CCDC171: variants seen among roughly 807,000 people sequenced by gnomAD.
CCDC171 encodes the protein coiled-coil domain containing 171.
CCDC171 carries 177 observed loss-of-function variants against 168.2 expected under a neutral mutation model. The ratio of observed to expected loss-of-function variants is 1.05; its 90% confidence interval spans 0.93 to 1.19. The LOEUF is 1.19. Among genes scored for constraint, CCDC171 ranks in the 50% most tolerant of loss-of-function variants. CCDC171 has a pLI of 0.00. For missense variants in CCDC171, 1,991 were observed against 1,539.0 expected, an observed-to-expected ratio of 1.29 and a Z score of -4.91; for synonymous variants, 687 against 540.8, an observed-to-expected ratio of 1.27 and a Z score of -3.75.
chr9:15,689,511 G>A (rs2050637581), intron 10 of CCDC171, among the ~76,000 whole-genome samples: 3 of 152,146 alleles, frequency 2.0e-5, no homozygotes, highest in Admixed American at 2.0e-4. Context: ...TGGAGTTCGA[G>A]ACCAGCCTGG....
chr9:16,026,503 C>T (rs865933422), intron 6 of CCDC171, among the ~76,000 whole-genome samples: 1 of 152,052 alleles, frequency 6.6e-6, no homozygotes, highest in Admixed American at 6.6e-5. Context: ...ACCCCTTTGA[C>T]CCCTTTATCC....
intron 6 of CCDC171, among the ~76,000 whole-genome samples, chr9:15,601,026 C>T (rs2042806683): frequency 1.3e-5 from 2 of 152,146 alleles, no homozygotes; most frequent in Admixed American, 6.5e-5. Context: ...TTACAGGTGC[C>T]ATCTGTCACC....
intron 21 of CCDC171, among the ~76,000 whole-genome samples, chr9:15,803,878 T>A (rs2058947811): frequency 6.6e-6 from 1 of 152,214 alleles, no homozygotes; most frequent in Admixed American, 6.5e-5. Context: ...TACACAATAT[T>A]GATTTTTCCT....
intron 6 of CCDC171, among the ~76,000 whole-genome samples, chr9:16,029,581 T>C (rs947271973): frequency 3.9e-5 from 6 of 152,210 alleles, no homozygotes; most frequent in African/African-American, 1.4e-4. Flanking sequence ...CCTATGTTGG[T>C]AGACTCTTAA....
intron 11 of CCDC171, among the ~76,000 whole-genome samples, chr9:15,708,674 C>CA (rs371224916): frequency 0.029 from 4,141 of 144,344 alleles, 206 homozygotes; most frequent in African/African-American, 0.098. Context: ...GGAATCAAGA[C>CA]AAAAAAAAAA....
chr9:15,956,094 G>A (rs1439042824), intron 25 of CCDC171, among the ~76,000 whole-genome samples: 1 of 152,158 alleles, frequency 6.6e-6, no homozygotes, highest in Non-Finnish European at 1.5e-5. Flanking sequence ...CTGGTAAGAA[G>A]TGAGCAGTGT....
At chr9:15,684,896 T>C (rs529237667) in intron 10 of CCDC171, among the ~76,000 whole-genome samples, 4 of 152,184 alleles carry the variant, frequency 2.6e-5, no homozygotes, top group Non-Finnish European at 5.9e-5. Flanking sequence ...TTTACACTGG[T>C]TGTAGATTCA....
intron 25 of CCDC171, among the ~76,000 whole-genome samples, chr9:15,956,734 A>T (rs926446953): frequency 6.6e-6 from 1 of 152,172 alleles, no homozygotes; most frequent in African/African-American, 2.4e-5. Flanking sequence ...AGCCTCAGTA[A>T]CATGACAAAA....
chr9:15,979,958 T>C (rs1306044508), intron 3 of CCDC171, among the ~76,000 whole-genome samples: 1 of 152,068 alleles, frequency 6.6e-6, no homozygotes, highest in African/African-American at 2.4e-5. Flanking sequence ...ATCTTTTTAA[T>C]TGTGGTAAAA....
In CCDC171 at chr9:15,679,967, G is replaced by T. The variant is rs921650951; in HGVS notation, c.1215+1071G>T. Among the ~76,000 whole-genome samples, 10 of 152,138 alleles carry T rather than the reference G, an allele frequency of 6.6e-5. 1 individual carries two copies. The highest frequency in any genetic ancestry group is 6.8e-3 in the Middle Eastern group (2 of 294). On this transcript the variant is annotated intron_variant, in intron 10 of 25. Transcript: ENST00000380701. Reference sequence around the variant, plus strand: ...ATTTCTTTACATCCTGTGATGCCCAGCTCTGATATCTTGCAATCTGTGAAG... The same window carrying T: ...ATTTCTTTACATCCTGTGATGCCCATCTCTGATATCTTGCAATCTGTGAAG...
At chr9:16,077,303 G>A in the CCDC171 span, among the ~76,000 whole-genome samples, 1 of 152,172 alleles carries the variant, frequency 6.6e-6, no homozygotes, top group Non-Finnish European at 1.5e-5. Flanking sequence ...TGAGTAACTT[G>A]AAGAATGGGG....
intron 25 of CCDC171, among the ~76,000 whole-genome samples, chr9:15,970,072 C>T (rs376333454): frequency 2.6e-5 from 4 of 152,120 alleles, no homozygotes; most frequent in African/African-American, 9.7e-5. Context: ...TGTTTTCTAA[C>T]TTCCAGTATA....
At chr9:15,664,567 T>TACACACACACACACACACACACACACAC (rs34252519) in intron 8 of CCDC171, among the ~76,000 whole-genome samples, 1,800 of 144,006 alleles carry the variant, frequency 0.012, 47 homozygotes, top group African/African-American at 0.035. Context: ...CTTAAATTTA[T>TACACACACACACACACACACACACACAC]ACACACACAC....
chr9:15,691,717 G>A (rs993465963), intron 10 of CCDC171, among the ~76,000 whole-genome samples: 3 of 151,630 alleles, frequency 2.0e-5, no homozygotes, highest in Middle Eastern at 3.4e-3. Flanking sequence ...TTGCTCTGTC[G>A]CCCAGGCCGG....
intron 24 of CCDC171, chr9:15,883,215 A>G (rs771268728): frequency 8.0e-5 from 14 of 174,322 alleles, no homozygotes; most frequent in Middle Eastern, 2.4e-3. Context: ...TTTTTTGTAG[A>G]TAATATTTTA....
At chr9:16,033,697 C>T (rs762566698) in intron 6 of CCDC171, among the ~76,000 whole-genome samples, 3 of 152,060 alleles carry the variant, frequency 2.0e-5, no homozygotes, top group Non-Finnish European at 4.4e-5. Context: ...CCCCCCACCC[C>T]CTGTCTGTGG....
chr9:16,091,182 A>G, the CCDC171 span, among the ~76,000 whole-genome samples: 7 of 151,774 alleles, frequency 4.6e-5, no homozygotes, highest in Non-Finnish European at 1.0e-4. Context: ...TCCTCCTTGA[A>G]CCCCTCCTCC....
At chr9:15,899,097 C>T (rs921724544) in intron 24 of CCDC171, among the ~76,000 whole-genome samples, 11 of 152,134 alleles carry the variant, frequency 7.2e-5, no homozygotes, top group Admixed American at 5.9e-4. Context: ...GGCTTTTTCA[C>T]TCAGTGTAAT....
intron 16 of CCDC171, among the ~76,000 whole-genome samples, chr9:15,741,162 C>T (rs534253593): frequency 1.4e-3 from 211 of 152,008 alleles, no homozygotes; most frequent in Middle Eastern, 3.4e-3. Flanking sequence ...CATTTTGATC[C>T]TTTTAAAGTA....
Sources: allele counts gnomAD v4.1 joint callset (sites outside exome capture counted in the v4.1 genomes callset), GRCh38; gene constraint gnomAD v4.1.1; transcripts MANE v1.5; gene names NCBI Gene and HGNC (gene_info 2026-07-23, HGNC 2026-07-21).